The following TCERG1L variants were observed in gnomAD, a reference collection of about 807,000 sequenced individuals.
The protein encoded by TCERG1L is transcription elongation regulator 1-like protein.
A neutral mutation model predicts 56.3 loss-of-function variants in TCERG1L; 37 were observed. That is an observed-to-expected ratio of 0.66 (90% CI 0.51 to 0.87). The LOEUF (loss-of-function observed/expected upper bound fraction) is 0.87. Ranked by LOEUF, TCERG1L falls within the 40% of genes least tolerant of loss-of-function variation. The pLI, the probability that TCERG1L is intolerant of heterozygous loss-of-function variation, is 0.00. For missense variants in TCERG1L, 799 were observed against 774.2 expected (o/e 1.03, Z -0.38); for synonymous variants, 324 against 326.3 (o/e 0.99, Z 0.08).
intron 4 of TCERG1L, among the ~76,000 whole-genome samples, chr10:131,208,468 C>T (rs546282986): frequency 1.3e-5 from 2 of 152,342 alleles, no homozygotes; most frequent in African/African-American, 4.8e-5. Context: ...GCCCGGTTCA[C>T]AGGCTGCTTC....
In TCERG1L at chr10:131,311,140, G is replaced by T. The variant is rs1055804368; in HGVS notation, c.342+154C>A. On this transcript the variant is annotated intron_variant, in intron 1 of 11. Coordinates refer to ENST00000368642, the MANE Select transcript of TCERG1L (RefSeq NM_174937.4). This position sits in a 1 kb window ranked among gnomAD's most constrained non-coding sequence, Gnocchi z 4.0. ...TCCAAGCACGAACTTTCTCGCCGAG[G>T]CACGGCTGCCGGGCTCCGTCCTGAG... is the stretch of plus-strand genomic sequence containing the variant. Among the ~76,000 whole-genome samples, 58 of 152,176 alleles carry T rather than the reference G, an allele frequency of 3.8e-4. No individual in the cohort carries two copies. The highest frequency in any genetic ancestry group is 1.4e-3 in the African/African-American group (58 of 41,454).
chr10:131,194,088 G>A (rs867400338), intron 4 of TCERG1L, among the ~76,000 whole-genome samples: 11 of 152,226 alleles, frequency 7.2e-5, no homozygotes, highest in Non-Finnish European at 1.0e-4. Context: ...CTAGGCTTCC[G>A]GCACTCCGGC....
intron 3 of TCERG1L, among the ~76,000 whole-genome samples, chr10:131,306,863 C>T (rs987690099): frequency 2.0e-5 from 3 of 152,068 alleles, no homozygotes; most frequent in Admixed American, 6.6e-5. Flanking sequence ...ATATGAATTT[C>T]CTAAGAAGAA....
intron 4 of TCERG1L, among the ~76,000 whole-genome samples, chr10:131,258,663 C>G (rs923103292): frequency 6.6e-6 from 1 of 152,182 alleles, no homozygotes; most frequent in Non-Finnish European, 1.5e-5. Context: ...GAGTAACGCC[C>G]CTTTCATCTT....
chr10:131,107,290 C>G (rs375884819), intron 9 of TCERG1L, among the ~76,000 whole-genome samples: 2 of 152,160 alleles, frequency 1.3e-5, no homozygotes, highest in African/African-American at 2.4e-5. Flanking sequence ...TGTGGCATAA[C>G]GACACCAGTT....
intron 4 of TCERG1L, among the ~76,000 whole-genome samples, chr10:131,226,336 T>C (rs927671324): frequency 3.3e-5 from 5 of 152,164 alleles, no homozygotes; most frequent in Non-Finnish European, 7.3e-5. Flanking sequence ...CTCCGCCTCC[T>C]GAAGTGCTGG....
intron 3 of TCERG1L, among the ~76,000 whole-genome samples, chr10:131,306,420 T>TA (rs34905306): frequency 0.34 from 51,277 of 151,366 alleles, 8,958 homozygotes; most frequent in Non-Finnish European, 0.38. Context: ...ATCCGTAAAT[T>TA]AAAAAAAAGG....
intron 4 of TCERG1L, among the ~76,000 whole-genome samples, chr10:131,255,561 T>C (rs904003025): frequency 6.6e-6 from 1 of 152,242 alleles, no homozygotes; most frequent in African/African-American, 2.4e-5. Flanking sequence ...GGGTGTCTAT[T>C]GTATTAGTAT....
At chr10:131,252,452 C>T (rs1304039575) in intron 4 of TCERG1L, among the ~76,000 whole-genome samples, 2 of 152,106 alleles carry the variant, frequency 1.3e-5, no homozygotes, top group Admixed American at 6.5e-5. Flanking sequence ...GAACATGGGC[C>T]TGAATGTCAG....
intron 3 of TCERG1L, among the ~76,000 whole-genome samples, chr10:131,269,826 CTTCAACTTGTAAAAACA>C (rs1846320762): frequency 6.6e-6 from 1 of 152,144 alleles, no homozygotes; most frequent in African/African-American, 2.4e-5. Context: ...TGCCACAAAC[CTTCAACTTGTAAAAACA>C]CACTATCAGC....
chr10:131,308,507 T>C (rs937918300), intron 2 of TCERG1L, 116 bp from the exon 3 acceptor site: 10 of 824,054 alleles, frequency 1.2e-5, no homozygotes, highest in Admixed American at 5.4e-5. Flanking sequence ...CATTCTATTA[T>C]TGGGGACTCT....
intron 3 of TCERG1L, among the ~76,000 whole-genome samples, chr10:131,299,766 A>T (rs549071066): frequency 2.3e-4 from 35 of 152,258 alleles, no homozygotes; most frequent in African/African-American, 8.2e-4. Flanking sequence ...CCTTCAAATA[A>T]TACTATAGCA....
chr10:131,272,596 T>C (rs1290284609), intron 3 of TCERG1L, among the ~76,000 whole-genome samples: 1 of 152,148 alleles, frequency 6.6e-6, no homozygotes, highest in Non-Finnish European at 1.5e-5. Flanking sequence ...GGGACCCCAG[T>C]GCTCAGGAAG....
At chr10:131,196,594 T>C (rs1845365903) in intron 4 of TCERG1L, among the ~76,000 whole-genome samples, 1 of 152,128 alleles carries the variant, frequency 6.6e-6, no homozygotes, top group African/African-American at 2.4e-5. Context: ...TGCCTGGACT[T>C]TCATGGGGAA....
rs777213874 is a variant in TCERG1L, at chr10:131,308,315, T to G, written c.566A>C (p.Glu189Ala). ...PEESRFFHGHEKPRLLANQVA... is the reference protein window; with the variant it reads ...PEESRFFHGHAKPRLLANQVA... ...TTGATTTGCCAGCAAACGAGGCTTT[T>G]CATGCCCATGGAAAAACCTTGACTC... is the stretch of plus-strand genomic sequence containing the variant. The change falls in exon 3 of 12, where the codon GAA becomes GCA. Residue 189 changes from glutamate (E) to alanine (A), a missense_variant. Physicochemically the swap from Glu to Ala is moderately radical, Grantham distance 107. Transcript: ENST00000368642. 5.0e-6 allele frequency: 8 copies of G among 1,613,868 alleles called. No individual in the cohort carries two copies. The highest frequency in any genetic ancestry group is 1.3e-5 in the African/African-American group (1 of 74,914).
chr10:131,299,286 T>C (rs1355100264), intron 3 of TCERG1L, among the ~76,000 whole-genome samples: 1 of 152,106 alleles, frequency 6.6e-6, no homozygotes, highest in African/African-American at 2.4e-5. Context: ...GTCTATTCAT[T>C]AGGGAGGTTA....
chr10:131,132,050 G>A (rs544469589), intron 8 of TCERG1L, among the ~76,000 whole-genome samples: 3 of 152,294 alleles, frequency 2.0e-5, no homozygotes, highest in Non-Finnish European at 4.4e-5. Flanking sequence ...CCTGGCCTGG[G>A]GCGATTCGCT....
intron 4 of TCERG1L, among the ~76,000 whole-genome samples, chr10:131,241,535 G>C (rs541950299): frequency 7.9e-5 from 12 of 152,106 alleles, no homozygotes; most frequent in South Asian, 6.3e-4. Context: ...TGAACACAGT[G>C]GATAGCGCAA....
chr10:131,219,359 G>A (rs1440482188), intron 4 of TCERG1L, among the ~76,000 whole-genome samples: 2 of 152,214 alleles, frequency 1.3e-5, no homozygotes, highest in Non-Finnish European at 2.9e-5. Flanking sequence ...AGGAGGGGCT[G>A]ACCCCTGGCT....
Sources: gnomAD v4.1 joint callset for allele counts (sites outside exome capture counted in the v4.1 genomes callset) on GRCh38, gnomAD v4.1.1 for gene constraint, Gnocchi (gnomAD v3.1) non-coding constraint, MANE v1.5 for transcripts, NCBI Gene and HGNC (gene_info 2026-07-23, HGNC 2026-07-21) for gene names.